The following GPR157 variants were observed in gnomAD, a reference collection of about 807,000 sequenced individuals.
GPR157 encodes G-protein coupled receptor 157.
Under a neutral mutation model 23.5 loss-of-function variants are expected in GPR157, and 16 were observed. The observed-to-expected ratio is 0.68, with a 90% CI of 0.46 to 1.04. The LOEUF is 1.04. Ranked by LOEUF, GPR157 falls within the 50% of genes least tolerant of loss-of-function variation. The pLI, the probability that GPR157 is intolerant of heterozygous loss-of-function variation, is 0.00. For synonymous variants in GPR157, 200 were observed against 221.5 expected, an observed-to-expected ratio of 0.90 and a Z score of 0.86; for missense variants, 440 against 460.7, an observed-to-expected ratio of 0.96 and a Z score of 0.41.
At chr1:9,119,669 T>C (rs1208569036) in intron 1 of GPR157, among the ~76,000 whole-genome samples, 1 of 152,114 alleles carries the variant, frequency 6.6e-6, no homozygotes, top group Non-Finnish European at 1.5e-5. Flanking sequence ...AGGTCAGGGA[T>C]GACTTGGAAA....
rs1418855839 is a variant in GPR157 at position 9,101,173 on chromosome 1, G to A, written c.*3246C>T. 2 of 151,784 alleles carry A rather than the reference G, an allele frequency of 1.3e-5. 1 individual carries two copies. Among genetic ancestry groups the A allele is most frequent in the Non-Finnish European group, 2.9e-5 (2 of 68,048 alleles). 9.4% of individuals were successfully genotyped at this position (151,784 alleles called of 1,614,324 possible). The stretch of plus-strand genomic sequence containing the variant: ...AGCAATTCTCCTGCCTCAGCCTCCT[G>A]AGTAGCTGGCACTACAGGCACACGA... On this transcript the variant is annotated 3_prime_UTR_variant, in exon 4 of 4. Transcript: ENST00000377411.
chr1:9,124,867 TGTTA>T (rs1467557658), intron 1 of GPR157, among the ~76,000 whole-genome samples: 1 of 152,244 alleles, frequency 6.6e-6, no homozygotes, highest in Non-Finnish European at 1.5e-5. Context: ...ACAGATGTTA[TGTTA>T]AAGAATTACT....
intron 1 of GPR157, among the ~76,000 whole-genome samples, chr1:9,121,806 T>A (rs1352725234): frequency 6.6e-6 from 1 of 151,738 alleles, no homozygotes; most frequent in East Asian, 1.9e-4. Context: ...CCCTAGAGGG[T>A]GGATGAACGT....
In GPR157 at chr1:9,104,617, A is replaced by G. The variant is rs1638225562; in HGVS notation, c.810T>C (p.Phe270=). ...LVVLHGIGNT[F]QGGANCIMFV... ...ACATGATGCAGTTGGCACCTCCCTG[A>G]AACGTGTTCCCGATACCCTGTCGGG... is the stretch of plus-strand genomic sequence containing the variant. The change falls in exon 4 of 4, where the codon TTT becomes TTC. Residue 270 remains phenylalanine, a synonymous_variant. Transcript: ENST00000377411. 1.2e-6 allele frequency: 2 copies of G among 1,607,778 alleles called. No individual in the cohort carries two copies. Among genetic ancestry groups the G allele is most frequent in the East Asian group, 4.5e-5 (2 of 44,706 alleles).
chr1:9,122,473 C>A lies in GPR157; in HGVS notation c.383+6172G>T, dbSNP rs1228952592. On this transcript the variant is annotated intron_variant, in intron 1 of 3. Coordinates refer to ENST00000377411, the MANE Select transcript of GPR157 (RefSeq NM_024980.5). ...TGTCTCTCAGCAAGACACTTCTTAA[C>A]TACAAAAGGGAAAAGAGTTAACTTG... Among the ~76,000 whole-genome samples, 3 of 152,170 alleles carry A rather than the reference C, an allele frequency of 2.0e-5. No homozygotes were observed. In the East Asian group the frequency reaches 5.8e-4, roughly 29 times the overall value.
rs916682441 is a variant in GPR157, at chr1:9,128,965, C to A, written c.63G>T (p.Ser21=). The A allele has an allele frequency of 2.7e-6, 4 of 1,464,630 alleles. No homozygotes were observed. The Admixed American group carries it at 7.4e-5, about 27-fold the overall frequency. The allele number at this position is 1,464,630 out of a possible 1,614,324, so 90.7% of individuals were successfully genotyped here. A position where few individuals can be genotyped will look rare whatever the true frequency, so the allele number is the denominator to read the frequency against. Residue 21 remains serine, a synonymous_variant, in exon 1 of 4, where the codon TCG becomes TCT. Transcript: ENST00000377411. This position sits in a 1 kb window ranked among gnomAD's most constrained non-coding sequence, Gnocchi z 6.3. The part of the protein sequence containing the change: ...VPSERAVVLL[S]CALSALGSGL... ...CCGAGCCGAGCGCGGAGAGTGCGCA[C>A]GACAGCAGCACCACGGCGCGCTCCG...
rs144598573 is a variant in GPR157, at chr1:9,111,395, C to T, written c.478G>A (p.Asp160Asn). ...SDVSVGWCWIDLEAKDHVLWM... is the reference protein window; with the variant it reads ...SDVSVGWCWINLEAKDHVLWM... ...AGGACATGGTCCTTGGCCTCCAGGT[C>T]GATCCAGCACCAGCCCACAGACACG... The change falls in exon 2 of 4, where the codon GAC becomes AAC. Residue 160 changes from aspartate to asparagine, a missense_variant. Transcript: ENST00000377411. The T allele has an allele frequency of 8.7e-6, 14 of 1,614,020 alleles. No homozygotes were observed. In the African/African-American group the frequency reaches 9.3e-5, roughly 11 times the overall value.
chr1:9,125,051 T>C (rs1375250048), intron 1 of GPR157, among the ~76,000 whole-genome samples: 1 of 152,014 alleles, frequency 6.6e-6, no homozygotes, highest in Admixed American at 6.6e-5. Context: ...TGTGTGTCTA[T>C]TATTTCTTGA....
At chr1:9,114,920 C>CAAAAAAAAAAA (rs70985588) in intron 1 of GPR157, among the ~76,000 whole-genome samples, 2 of 85,508 alleles carry the variant, frequency 2.3e-5, no homozygotes, top group African/African-American at 4.5e-5. Context: ...GACTCCGTCT[C>CAAAAAAAAAAA]AAAAAAAAAA....
At chr1:9,107,067 T>A (rs559376738) in intron 2 of GPR157, among the ~76,000 whole-genome samples, 37 of 152,308 alleles carry the variant, frequency 2.4e-4, no homozygotes, top group African/African-American at 8.9e-4. Flanking sequence ...TTCCCACAGT[T>A]TGTCTCACCC....
At chr1:9,104,888 C>T (rs566770739) in intron 3 of GPR157, among the ~76,000 whole-genome samples, 15 of 151,770 alleles carry the variant, frequency 9.9e-5, no homozygotes, top group African/African-American at 2.9e-4. Flanking sequence ...GTAGTCCCAG[C>T]GACACGGAGG....
At position 9,118,950 on chromosome 1, in the gene GPR157, G is replaced by A. The variant is rs1359908567; in HGVS notation, c.384-7461C>T. On this transcript the variant is annotated intron_variant, in intron 1 of 3. Transcript: ENST00000377411. This position sits in a 1 kb window ranked among gnomAD's most constrained non-coding sequence, Gnocchi z 4.6. ...CCCAGGAGGCTGAGGCGGGAGAACC[G>A]CTTGAACCCAGGAGGTTGAGGCTGC... is the stretch of plus-strand genomic sequence containing the variant. Among the ~76,000 whole-genome samples, 2 of 151,726 alleles carry A rather than the reference G, an allele frequency of 1.3e-5. No individual in the cohort carries two copies.
intron 1 of GPR157, among the ~76,000 whole-genome samples, chr1:9,115,750 C>T (rs1452323748): frequency 6.6e-6 from 1 of 151,924 alleles, no homozygotes; most frequent in Non-Finnish European, 1.5e-5. Context: ...TTAATCTATA[C>T]CTTTAATGTC....
At position 9,101,585 on chromosome 1, in the gene GPR157, C is replaced by G. The variant is rs922811119; in HGVS notation, c.*2834G>C. 1.3e-5 allele frequency: 2 copies of G among 152,142 alleles called. No individual in the cohort carries two copies. The highest frequency in any genetic ancestry group is 4.8e-5 in the African/African-American group (2 of 41,414). The allele number at this position is 152,142 out of a possible 1,614,324, so 9.4% of individuals were successfully genotyped here. Reference sequence around the variant, plus strand: ...CTCATCTGTGGCAAGAGGTGGGCAGCGGAGGAAGCTGACTAGAGATACCTG... The same window carrying G: ...CTCATCTGTGGCAAGAGGTGGGCAGGGGAGGAAGCTGACTAGAGATACCTG... On this transcript the variant is annotated 3_prime_UTR_variant, in exon 4 of 4. Transcript: ENST00000377411.
At chr1:9,117,875 A>G (rs889940372) in intron 1 of GPR157, among the ~76,000 whole-genome samples, 1 of 152,154 alleles carries the variant, frequency 6.6e-6, no homozygotes, top group Non-Finnish European at 1.5e-5. Flanking sequence ...GGAAGCCACC[A>G]CCCCAAAAAA....
chr1:9,122,963 C>A (rs1012652498), intron 1 of GPR157, among the ~76,000 whole-genome samples: 8 of 151,548 alleles, frequency 5.3e-5, no homozygotes, highest in Non-Finnish European at 1.0e-4. Context: ...TTGAGATCAG[C>A]CTGAGCAACA....
chr1:9,129,020 G>C lies in GPR157; in HGVS notation c.8C>G (p.Pro3Arg), dbSNP rs1482223820. 1.6e-6 allele frequency: 2 copies of C among 1,287,666 alleles called. No homozygotes were observed. The highest frequency in any genetic ancestry group is 2.5e-5 in the South Asian group (1 of 40,350). 79.8% of individuals were successfully genotyped at this position (1,287,666 alleles called of 1,614,324 possible). The part of the protein sequence containing the change: MQ[P>R]SPPPTELVPS... ...CACCAGCTCGGTGGGCGGCGGGGAC[G>C]GCTGCATGGCGTGGGGGGCCAGGAG... Residue 3 changes from proline (P) to arginine (R), a missense_variant, in exon 1 of 4, where the codon CCG becomes CGG. Pro to Arg is a moderately radical substitution (Grantham distance 103). Coordinates refer to ENST00000377411, the MANE Select transcript of GPR157 (RefSeq NM_024980.5).
chr1:9,100,811 T>TGAGCCCAGGAGTTC lies in GPR157; in HGVS notation c.*3607_*3608insGAACTCCTGGGCTC, dbSNP rs75683638. The TGAGCCCAGGAGTTC allele has an allele frequency of 0.53, 79,912 of 151,806 alleles. 21,286 individuals are homozygous for TGAGCCCAGGAGTTC. The highest frequency in any genetic ancestry group is 0.58 in the Admixed American group (8,776 of 15,220). 9.4% of individuals were successfully genotyped at this position (151,806 alleles called of 1,614,324 possible). A position where few individuals can be genotyped will look rare whatever the true frequency, so the allele number is the denominator to read the frequency against. ...TGATCAGATGTAACAGCCCCTCGCTTGAGATCTGACTGGGCAACATGGCAA... is the reference window on the plus strand; with the variant it reads ...TGATCAGATGTAACAGCCCCTCGCTTGAGCCCAGGAGTTCGAGATCTGACTGGGCAACATGGCAA... On this transcript the variant is annotated 3_prime_UTR_variant, in exon 4 of 4. Coordinates refer to ENST00000377411, the MANE Select transcript of GPR157 (RefSeq NM_024980.5).
In GPR157 at chr1:9,105,984, C is replaced by T. The variant is rs753377304; in HGVS notation, c.598-304G>A. Among the ~76,000 whole-genome samples the T allele has an allele frequency of 3.3e-5, 5 of 152,186 alleles. No individual in the cohort carries two copies. Among genetic ancestry groups the T allele is most frequent in the Non-Finnish European group, 7.3e-5 (5 of 68,038 alleles). On this transcript the variant is annotated intron_variant, in intron 2 of 3. Transcript: ENST00000377411. This position sits in a 1 kb window ranked among gnomAD's most constrained non-coding sequence, Gnocchi z 4.8. Reference sequence around the variant, plus strand: ...TGGAAACAACAGCTTTCTCGTTGCCCAGGCCAAAGCCTTGGGGCTCTGTTT... The same window carrying T: ...TGGAAACAACAGCTTTCTCGTTGCCTAGGCCAAAGCCTTGGGGCTCTGTTT...
Sources: allele counts gnomAD v4.1 joint callset (sites outside exome capture counted in the v4.1 genomes callset), GRCh38; gene constraint gnomAD v4.1.1; non-coding constraint Gnocchi (gnomAD v3.1); transcripts MANE v1.5; gene names NCBI Gene and HGNC (gene_info 2026-07-23, HGNC 2026-07-21).